FLT1: variants seen among roughly 807,000 people sequenced by gnomAD.
FLT1 encodes fms related receptor tyrosine kinase 1.
In FLT1, 49 loss-of-function variants were observed where a neutral mutation model predicts 156.3. The observed-to-expected ratio is 0.31, with a 90% CI of 0.25 to 0.40. The LOEUF (loss-of-function observed/expected upper bound fraction) is 0.40. Ranked by LOEUF, FLT1 falls within the 10% of genes least tolerant of loss-of-function variation. The pLI is 1.00. For missense variants in FLT1, 1,322 were observed against 1,637.2 expected, an observed-to-expected ratio of 0.81 and a Z score of 3.32; for synonymous variants, 594 against 583.8, an observed-to-expected ratio of 1.02 and a Z score of -0.25.
intron 14 of FLT1, among the ~76,000 whole-genome samples, chr13:28,375,285 A>C (rs8002531): frequency 0.45 from 67,778 of 152,090 alleles, 16,339 homozygotes; most frequent in East Asian, 0.6. Context: ...TCTGAATATA[A>C]ATTATAGAAC....
intron 15 of FLT1, 166 bp from the exon 16 acceptor site, chr13:28,345,717 CAGGCAGTATACATGAACTCACATAGAAA>C: frequency 9.3e-6 from 6 of 646,070 alleles, no homozygotes; most frequent in African/African-American, 1.8e-5. Context: ...CCTTCTAAGC[CAGGCAGTATACATGAACTCACATAGAAA>C]AGGCAGTATA....
chr13:28,466,702 G>A (rs1395712899), intron 3 of FLT1: 1 of 667,060 alleles, frequency 1.5e-6, no homozygotes, highest in African/African-American at 1.8e-5. Context: ...TCTCTTTGTG[G>A]AGCACATAGT....
chr13:28,421,534 C>CT lies in FLT1; in HGVS notation c.1436+5624dup, dbSNP rs11290096. ...CCCCAATGGTGGAGGAGCTGCTGCACTTTTTTTTTTCCTTACTGGGCCCTT... is the reference window on the plus strand; with the variant it reads ...CCCCAATGGTGGAGGAGCTGCTGCACTTTTTTTTTTTCCTTACTGGGCCCTT... On this transcript the variant is annotated intron_variant, in intron 10 of 29. Transcript: ENST00000282397. Among the ~76,000 whole-genome samples, 19 of 151,296 alleles carry CT rather than the reference C, an allele frequency of 1.3e-4. No homozygotes were observed. The South Asian group carries it at 1.5e-3, about 12-fold the overall frequency.
chr13:28,305,565 G>A (rs533872477), intron 29 of FLT1, among the ~76,000 whole-genome samples: 70 of 152,200 alleles, frequency 4.6e-4, no homozygotes, highest in African/African-American at 1.5e-3. Context: ...GCATCTTTTC[G>A]TGTACTCACT....
At chr13:28,421,819 A>G (rs1271474430) in intron 10 of FLT1, among the ~76,000 whole-genome samples, 1 of 152,224 alleles carries the variant, frequency 6.6e-6, no homozygotes, top group Non-Finnish European at 1.5e-5. Flanking sequence ...TAACTCATTC[A>G]TAGCTGTGTA....
intron 11 of FLT1, among the ~76,000 whole-genome samples, chr13:28,402,624 T>C (rs1174748398): frequency 6.6e-6 from 1 of 152,104 alleles, no homozygotes; most frequent in Non-Finnish European, 1.5e-5. Context: ...TAAAAGTTTT[T>C]TCAGTGCAAA....
chr13:28,404,196 A>G (rs1018966822), intron 11 of FLT1, among the ~76,000 whole-genome samples: 10 of 152,236 alleles, frequency 6.6e-5, no homozygotes, highest in African/African-American at 2.4e-4. Context: ...AGAGAAAAAG[A>G]GTTGTAAACC....
chr13:28,423,111 C>T (rs1329507920), intron 10 of FLT1, among the ~76,000 whole-genome samples: 2 of 152,130 alleles, frequency 1.3e-5, no homozygotes, highest in Non-Finnish European at 2.9e-5. Context: ...AAAATGCAGG[C>T]GGAACGTGAA....
At chr13:28,388,850 TA>T in intron 13 of FLT1, 1 of 1,062,724 alleles carries the variant, frequency 9.4e-7, no homozygotes, top group Non-Finnish European at 1.1e-6. Flanking sequence ...CTTAAAATAA[TA>T]ACCAGAGGAC....
rs11330965 is a variant in FLT1, at chr13:28,366,472, ATT to A, written c.2117-8789_2117-8788del. ...CTCAGGATTAGCTACTCTGGAAAGCATTTTTTTTTTTTTCGAGATGGAGTTTT... is the reference window on the plus strand; with the variant it reads ...CTCAGGATTAGCTACTCTGGAAAGCATTTTTTTTTTTCGAGATGGAGTTTT... On this transcript the variant is annotated intron_variant, in intron 14 of 29. Coordinates refer to ENST00000282397, the MANE Select transcript of FLT1 (RefSeq NM_002019.4). Among the ~76,000 whole-genome samples the A allele has an allele frequency of 5.5e-3, 778 of 142,622 alleles. 6 individuals are homozygous for A. Among genetic ancestry groups the A allele is most frequent in the African/African-American group, 0.019 (748 of 39,050 alleles). The allele number at this position is 142,622 out of a possible 152,430, so 93.6% of individuals were successfully genotyped here. A position where few individuals can be genotyped will look rare whatever the true frequency, so the allele number is the denominator to read the frequency against.
chr13:28,317,912 A>G (rs1871272190), intron 24 of FLT1, among the ~76,000 whole-genome samples: 1 of 152,068 alleles, frequency 6.6e-6, no homozygotes, highest in South Asian at 2.1e-4. Flanking sequence ...TCTCCCCACA[A>G]GTAACTAAAG....
At chr13:28,320,422 C>A (rs1157443065) in intron 23 of FLT1, among the ~76,000 whole-genome samples, 5 of 152,172 alleles carry the variant, frequency 3.3e-5, no homozygotes. Context: ...GCTGTGTCAG[C>A]ACCTTCTAGA....
At chr13:28,367,626 T>C (rs1323382344) in intron 14 of FLT1, among the ~76,000 whole-genome samples, 2 of 152,216 alleles carry the variant, frequency 1.3e-5, no homozygotes, top group African/African-American at 4.8e-5. Context: ...CAATTCACCA[T>C]TGAGTAAATA....
intron 6 of FLT1, among the ~76,000 whole-genome samples, chr13:28,433,288 C>T (rs1877809277): frequency 6.6e-6 from 1 of 152,196 alleles, no homozygotes; most frequent in Non-Finnish European, 1.5e-5. Flanking sequence ...CTTCATTCTT[C>T]TCATTTTTCT....
intron 1 of FLT1, among the ~76,000 whole-genome samples, chr13:28,493,517 T>A (rs1173159836): frequency 1.3e-5 from 2 of 152,200 alleles, no homozygotes; most frequent in Middle Eastern, 3.2e-3. Flanking sequence ...TTTAACAAGC[T>A]TTTTGTTGTT....
intron 16 of FLT1, among the ~76,000 whole-genome samples, chr13:28,340,421 A>G (rs1872291220): frequency 1.3e-5 from 2 of 152,196 alleles, no homozygotes; most frequent in South Asian, 4.1e-4. Context: ...AAGTGGATTT[A>G]CATTTAATGT....
intron 4 of FLT1, among the ~76,000 whole-genome samples, chr13:28,436,152 C>A (rs949171964): frequency 6.6e-6 from 1 of 152,174 alleles, no homozygotes; most frequent in East Asian, 1.9e-4. Flanking sequence ...AGATCTAAAG[C>A]AGTCAAAGAC....
chr13:28,311,948 G>T, intron 26 of FLT1, 45 bp downstream of exon 26: 2 of 1,321,848 alleles, frequency 1.5e-6, no homozygotes, highest in Non-Finnish European at 2.2e-6. Flanking sequence ...ATGCCCCCCT[G>T]ACGTACATTC....
chr13:28,476,858 A>C (rs1436835358), intron 1 of FLT1, among the ~76,000 whole-genome samples: 1 of 152,214 alleles, frequency 6.6e-6, no homozygotes, highest in Non-Finnish European at 1.5e-5. Context: ...AGGCTGTCTT[A>C]CAATTCATAT....
Sources: gnomAD v4.1 joint callset for allele counts (sites outside exome capture counted in the v4.1 genomes callset) on GRCh38, gnomAD v4.1.1 for gene constraint, MANE v1.5 for transcripts, NCBI Gene and HGNC (gene_info 2026-07-23, HGNC 2026-07-21) for gene names.